ARHGAP10: variants seen among roughly 807,000 people sequenced by gnomAD.
ARHGAP10 encodes Rho GTPase activating protein 10.
Under a neutral mutation model 108.6 loss-of-function variants are expected in ARHGAP10, and 87 were observed. The observed-to-expected ratio is 0.80, with a 90% CI of 0.67 to 0.96. ARHGAP10 has a LOEUF of 0.96. ARHGAP10 is among the 40% of genes least tolerant of loss of function. The pLI is 0.00. For missense variants in ARHGAP10, 939 were observed against 954.5 expected, an observed-to-expected ratio of 0.98 and a Z score of 0.21; for synonymous variants, 347 against 341.1, an observed-to-expected ratio of 1.02 and a Z score of -0.19.
chr4:147,934,820 G>A (rs1378627263), intron 13 of ARHGAP10, among the ~76,000 whole-genome samples: 1 of 152,184 alleles, frequency 6.6e-6, no homozygotes, highest in Non-Finnish European at 1.5e-5. Context: ...GTGACAGAAT[G>A]AGACCCTGCC....
chr4:147,820,615 C>G (rs1249772904), intron 1 of ARHGAP10, among the ~76,000 whole-genome samples: 2 of 82,498 alleles, frequency 2.4e-5, no homozygotes, highest in Admixed American at 2.0e-4. Flanking sequence ...TTTTTTGAGA[C>G]AGGGTCTCCC....
intron 7 of ARHGAP10, among the ~76,000 whole-genome samples, chr4:147,870,829 C>T (rs551660065): frequency 6.6e-6 from 1 of 151,964 alleles, no homozygotes; most frequent in East Asian, 1.9e-4. Flanking sequence ...TGTAAAGAGT[C>T]CCTAGAAGAT....
chr4:147,781,217 G>T (rs1205749966), intron 1 of ARHGAP10, among the ~76,000 whole-genome samples: 1 of 152,100 alleles, frequency 6.6e-6, no homozygotes, highest in Non-Finnish European at 1.5e-5. Context: ...ATTTAGCTGT[G>T]CCTGTAGTCC....
At chr4:147,962,602 C>A in intron 16 of ARHGAP10, among the ~76,000 whole-genome samples, 1 of 152,102 alleles carries the variant, frequency 6.6e-6, no homozygotes, top group Admixed American at 6.5e-5. Flanking sequence ...GGATGTCCCC[C>A]CATCATAAAT....
chr4:147,859,124 TG>T (rs1734213663), intron 5 of ARHGAP10, among the ~76,000 whole-genome samples: 1 of 152,190 alleles, frequency 6.6e-6, no homozygotes, highest in African/African-American at 2.4e-5. Flanking sequence ...TCCTTCTGCC[TG>T]GTATGTTTTC....
At chr4:148,018,172 A>T (rs578036338) in intron 18 of ARHGAP10, among the ~76,000 whole-genome samples, 1 of 152,206 alleles carries the variant, frequency 6.6e-6, no homozygotes, top group African/African-American at 2.4e-5. Context: ...CCCTGTGGGG[A>T]AAAAGTTTTG....
intron 18 of ARHGAP10, among the ~76,000 whole-genome samples, chr4:148,000,919 T>C (rs997326080): frequency 2.0e-5 from 3 of 152,224 alleles, no homozygotes; most frequent in Non-Finnish European, 2.9e-5. Flanking sequence ...GTGCAGAAGC[T>C]CTTTAGTTTA....
At chr4:147,877,003 G>A (rs1360131365) in intron 8 of ARHGAP10, among the ~76,000 whole-genome samples, 1 of 152,148 alleles carries the variant, frequency 6.6e-6, no homozygotes, top group Non-Finnish European at 1.5e-5. Context: ...ATTGCTTGGC[G>A]CTTGAACAGG....
At chr4:147,838,121 C>T (rs1733249870) in intron 3 of ARHGAP10, among the ~76,000 whole-genome samples, 1 of 152,014 alleles carries the variant, frequency 6.6e-6, no homozygotes, top group South Asian at 2.1e-4. Context: ...GCTCTTGGCA[C>T]CTTTGAGATT....
At chr4:147,948,830 G>A (rs1367634352) in intron 15 of ARHGAP10, among the ~76,000 whole-genome samples, 2 of 151,858 alleles carry the variant, frequency 1.3e-5, no homozygotes, top group African/African-American at 4.8e-5. Context: ...AGCCGGCATG[G>A]TGGTGGGCGC....
intron 1 of ARHGAP10, among the ~76,000 whole-genome samples, chr4:147,811,704 A>T (rs963668280): frequency 2.6e-5 from 4 of 152,018 alleles, no homozygotes; most frequent in African/African-American, 9.7e-5. Context: ...GCTTTCATTG[A>T]TGTTTTACAA....
intron 1 of ARHGAP10, among the ~76,000 whole-genome samples, chr4:147,778,250 G>T (rs747369007): frequency 6.6e-6 from 1 of 152,146 alleles, no homozygotes; most frequent in Non-Finnish European, 1.5e-5. Context: ...CCTGTTGTAT[G>T]ATAGATGTCT....
intron 10 of ARHGAP10, among the ~76,000 whole-genome samples, chr4:147,891,777 A>G (rs1239807823): frequency 6.6e-6 from 1 of 152,138 alleles, no homozygotes; most frequent in East Asian, 1.9e-4. Context: ...TCATTTTTTT[A>G]GGTTGGAGAC....
At chr4:147,895,552 G>T (rs1422405924) in intron 10 of ARHGAP10, among the ~76,000 whole-genome samples, 3 of 151,078 alleles carry the variant, frequency 2.0e-5, no homozygotes, top group African/African-American at 7.3e-5. Context: ...AGGTATGGTG[G>T]TATGTGCCTG....
At chr4:147,778,199 C>T (rs566698358) in intron 1 of ARHGAP10, among the ~76,000 whole-genome samples, 6 of 152,218 alleles carry the variant, frequency 3.9e-5, no homozygotes, top group Admixed American at 2.6e-4. Context: ...AGGATTTTTG[C>T]ATGTGTGTGA....
intron 1 of ARHGAP10, among the ~76,000 whole-genome samples, chr4:147,781,422 T>C (rs1730526004): frequency 6.6e-6 from 1 of 152,202 alleles, no homozygotes; most frequent in Admixed American, 6.5e-5. Context: ...TCACCCTACA[T>C]ATGGGGAATA....
intron 4 of ARHGAP10, among the ~76,000 whole-genome samples, chr4:147,849,329 A>G (rs971243427): frequency 1.3e-5 from 2 of 152,054 alleles, no homozygotes; most frequent in Admixed American, 1.3e-4. Context: ...ATAATTCTAG[A>G]AGAAACAGGA....
intron 15 of ARHGAP10, among the ~76,000 whole-genome samples, chr4:147,952,230 C>T (rs1210088818): frequency 6.6e-6 from 1 of 152,104 alleles, no homozygotes; most frequent in Non-Finnish European, 1.5e-5. Flanking sequence ...ATTTGTATAC[C>T]TATATTTGAG....
In ARHGAP10 at chr4:147,911,584, G is replaced by T. The variant is rs56407863; in HGVS notation, c.1163-1490G>T. 8.7e-4 allele frequency among the ~76,000 whole-genome samples: 132 copies of T among 152,204 alleles called. 2 individuals are homozygous for T. In the East Asian group the frequency reaches 0.017, roughly 20 times the overall value. The stretch of plus-strand genomic sequence containing the variant: ...TCACCGTGTTAGCCAGGATGGTCTT[G>T]ATCTCCTGACTTCGTGATCCGCCCA... On this transcript the variant is annotated intron_variant, in intron 12 of 22. Transcript: ENST00000336498.
Sources: gnomAD v4.1 joint callset for allele counts (sites outside exome capture counted in the v4.1 genomes callset) on GRCh38, gnomAD v4.1.1 for gene constraint, MANE v1.5 for transcripts, NCBI Gene and HGNC (gene_info 2026-07-23, HGNC 2026-07-21) for gene names.